The following SPON1 variants were observed in gnomAD, a reference collection of about 807,000 sequenced individuals.
SPON1 encodes the protein spondin-1.
In SPON1, 52 loss-of-function variants were observed where a neutral mutation model predicts 111.7. The observed-to-expected ratio is 0.47, with a 90% CI of 0.37 to 0.59. The LOEUF is 0.59. SPON1 is among the 20% of genes least tolerant of loss of function. The probability of loss-of-function intolerance (pLI) is 0.00; values close to 1 mark genes in which losing one functional copy is unlikely to be tolerated. For missense variants in SPON1, 957 were observed against 1,068.5 expected (o/e 0.90, Z 1.46); for synonymous variants, 410 against 395.8 (o/e 1.04, Z -0.43).
intron 6 of SPON1, among the ~76,000 whole-genome samples, chr11:14,141,966 G>A (rs916969804): frequency 6.6e-6 from 1 of 152,168 alleles, no homozygotes; most frequent in Admixed American, 6.5e-5. Flanking sequence ...AAGTAGTGAT[G>A]TATAATGTCT....
At chr11:14,175,855 A>T (rs532393446) in intron 6 of SPON1, among the ~76,000 whole-genome samples, 1 of 152,320 alleles carries the variant, frequency 6.6e-6, no homozygotes, top group South Asian at 2.1e-4. Context: ...ACCATAGGCA[A>T]GGTTCTTAAT....
chr11:13,997,198 G>A (rs1848280175), intron 2 of SPON1, among the ~76,000 whole-genome samples: 3 of 152,130 alleles, frequency 2.0e-5, no homozygotes, highest in Admixed American at 2.0e-4. Context: ...TGTCAGTGGT[G>A]GGCACACAGG....
At chr11:14,041,861 T>C (rs1334552816) in intron 3 of SPON1, among the ~76,000 whole-genome samples, 1 of 152,184 alleles carries the variant, frequency 6.6e-6, no homozygotes, top group Non-Finnish European at 1.5e-5. Context: ...TTTCATCAAA[T>C]AGGATGATTC....
At chr11:14,078,578 G>A (rs1163209666) in intron 4 of SPON1, among the ~76,000 whole-genome samples, 1 of 152,114 alleles carries the variant, frequency 6.6e-6, no homozygotes, top group Non-Finnish European at 1.5e-5. Flanking sequence ...GAGTAATGTA[G>A]TGCAGAGATT....
At chr11:14,251,647 G>T (rs931658372) in intron 7 of SPON1, among the ~76,000 whole-genome samples, 1 of 152,190 alleles carries the variant, frequency 6.6e-6, no homozygotes, top group Non-Finnish European at 1.5e-5. Flanking sequence ...TAGATGGAGC[G>T]GTCAGTCTCT....
chr11:14,014,961 T>C (rs1848434121), intron 2 of SPON1, among the ~76,000 whole-genome samples: 1 of 152,180 alleles, frequency 6.6e-6, no homozygotes, highest in Admixed American at 6.6e-5. Context: ...AACAAATGTG[T>C]CTTTGTGTAT....
At chr11:14,143,631 G>C (rs1343022241) in intron 6 of SPON1, among the ~76,000 whole-genome samples, 8 of 152,092 alleles carry the variant, frequency 5.3e-5, no homozygotes, top group African/African-American at 1.7e-4. Flanking sequence ...GCAGTGGATG[G>C]GCAAGAATTA....
chr11:14,053,213 A>T (rs1349634253), intron 3 of SPON1, among the ~76,000 whole-genome samples: 6 of 152,204 alleles, frequency 3.9e-5, no homozygotes, highest in African/African-American at 1.4e-4. Context: ...TACATTTATA[A>T]TGTGCAACCA....
chr11:14,040,048 G>T (rs1328643679), intron 2 of SPON1, among the ~76,000 whole-genome samples: 1 of 152,138 alleles, frequency 6.6e-6, no homozygotes, highest in Non-Finnish European at 1.5e-5. Flanking sequence ...GAGGAAATTA[G>T]GAACACTAGT....
chr11:14,172,959 C>A (rs1296328833), intron 6 of SPON1, among the ~76,000 whole-genome samples: 2 of 151,832 alleles, frequency 1.3e-5, no homozygotes, highest in East Asian at 3.8e-4. Context: ...GTGAATCTGA[C>A]AATTATGTGT....
intron 2 of SPON1, among the ~76,000 whole-genome samples, chr11:14,026,987 G>A (rs1554915408): frequency 6.6e-6 from 1 of 152,150 alleles, no homozygotes; most frequent in Admixed American, 6.5e-5. Context: ...CTCCCACTCT[G>A]CAGTCTCTGG....
At chr11:14,171,154 T>G (rs1848094652) in intron 6 of SPON1, among the ~76,000 whole-genome samples, 1 of 152,222 alleles carries the variant, frequency 6.6e-6, no homozygotes, top group Admixed American at 6.5e-5. Context: ...AGCTATTAAT[T>G]ATTGCCTCAA....
chr11:14,175,664 A>G (rs920308207), intron 6 of SPON1, among the ~76,000 whole-genome samples: 2 of 152,170 alleles, frequency 1.3e-5, no homozygotes, highest in Admixed American at 6.5e-5. Context: ...AAGAGAGAGC[A>G]AGCAGAAACT....
intron 6 of SPON1, among the ~76,000 whole-genome samples, chr11:14,159,796 A>G (rs143398721): frequency 0.01 from 1,567 of 151,806 alleles, 25 homozygotes; most frequent in African/African-American, 0.036. Context: ...AAAGACAAAC[A>G]TCACATGTTC....
At chr11:13,982,184 A>T (rs1470586559) in intron 1 of SPON1, among the ~76,000 whole-genome samples, 3 of 152,016 alleles carry the variant, frequency 2.0e-5, no homozygotes, top group African/African-American at 7.3e-5. Context: ...GTATGTATGT[A>T]TGTATGTATG....
intron 6 of SPON1, among the ~76,000 whole-genome samples, chr11:14,218,885 C>T (rs1848651732): frequency 6.6e-6 from 1 of 152,196 alleles, no homozygotes; most frequent in South Asian, 2.1e-4. Flanking sequence ...AATTTGGATA[C>T]AATAACCTTT....
At chr11:14,077,474 C>T (rs111886283) in intron 4 of SPON1, among the ~76,000 whole-genome samples, 1,837 of 151,506 alleles carry the variant, frequency 0.012, 47 homozygotes, top group African/African-American at 0.041. Context: ...ACTCTGTCAC[C>T]CAGGCTGGAA....
intron 6 of SPON1, among the ~76,000 whole-genome samples, chr11:14,181,628 G>A (rs1190827161): frequency 6.6e-6 from 1 of 152,138 alleles, no homozygotes; most frequent in East Asian, 1.9e-4. Context: ...CACAGACCAG[G>A]GATCAAAGCC....
intron 7 of SPON1, among the ~76,000 whole-genome samples, chr11:14,243,797 C>T (rs1372683391): frequency 1.3e-5 from 2 of 152,152 alleles, no homozygotes; most frequent in South Asian, 2.1e-4. Context: ...TTCTCAGTCC[C>T]GTTTCTTTTC....
Sources: allele counts gnomAD v4.1 joint callset (sites outside exome capture counted in the v4.1 genomes callset), GRCh38; gene constraint gnomAD v4.1.1; transcripts MANE v1.5; gene names NCBI Gene and HGNC (gene_info 2026-07-23, HGNC 2026-07-21).